Variants in LGR5 observed in about 807,000 individuals in gnomAD.
The protein encoded by LGR5 is leucine rich repeat containing G protein-coupled receptor 5, also known as leucine-rich repeat-containing G protein-coupled receptor 5.
LGR5 carries 54 observed loss-of-function variants against 76.7 expected under a neutral mutation model. The observed-to-expected ratio is 0.70, with a 90% CI of 0.57 to 0.88. LGR5 has a LOEUF of 0.88. Ranked by LOEUF, LGR5 falls within the 40% of genes least tolerant of loss-of-function variation. LGR5 has a pLI of 0.00. For synonymous variants in LGR5, 406 were observed against 421.9 expected (o/e 0.96, Z 0.46); for missense variants, 1,078 against 1,073.3 (o/e 1.00, Z -0.06).
intron 1 of LGR5, among the ~76,000 whole-genome samples, chr12:71,471,938 A>T (rs1873121127): frequency 6.6e-6 from 1 of 152,216 alleles, no homozygotes; most frequent in African/African-American, 2.4e-5. Flanking sequence ...CATACTTGTA[A>T]TAGTCTTTGT....
chr12:71,498,041 G>T lies in LGR5; in HGVS notation c.213-6573G>T, dbSNP rs149110684. 1.4e-3 allele frequency among the ~76,000 whole-genome samples: 217 copies of T among 152,204 alleles called. 1 individual carries two copies. Among genetic ancestry groups the T allele is most frequent in the African/African-American group, 5.1e-3 (210 of 41,546 alleles). Reference sequence around the variant, plus strand: ...AGAATAAGAAGAAAGAGAAAAGAAGGAGAAAAGAAGGGGGGAGCAGAAGGA... The same window carrying T: ...AGAATAAGAAGAAAGAGAAAAGAAGTAGAAAAGAAGGGGGGAGCAGAAGGA... On this transcript the variant is annotated intron_variant, in intron 1 of 17. Transcript: ENST00000266674.
intron 1 of LGR5, among the ~76,000 whole-genome samples, chr12:71,462,409 T>A (rs12312255): frequency 0.06 from 9,181 of 152,222 alleles, 962 homozygotes; most frequent in African/African-American, 0.21. Context: ...AATGCTAAGA[T>A]TTGACCTTTC....
chr12:71,496,143 A>T (rs1374729860), intron 1 of LGR5, among the ~76,000 whole-genome samples: 1 of 152,186 alleles, frequency 6.6e-6, no homozygotes, highest in East Asian at 1.9e-4. Context: ...AGGCCAAGGC[A>T]GGCAGATCAC....
chr12:71,555,419 C>A (rs1877708347), intron 5 of LGR5, among the ~76,000 whole-genome samples: 1 of 152,172 alleles, frequency 6.6e-6, no homozygotes, highest in Non-Finnish European at 1.5e-5. Context: ...GCTGTTCTCA[C>A]TGGCTCTGAC....
chr12:71,584,811 A>C lies in LGR5; in HGVS notation c.*77A>C. The C allele has an allele frequency of 1.4e-6, 2 of 1,443,758 alleles. No individual in the cohort carries two copies. Among genetic ancestry groups the C allele is most frequent in the Non-Finnish European group, 1.9e-6 (2 of 1,068,436 alleles). The allele number at this position is 1,443,758 out of a possible 1,614,324, so 89.4% of individuals were successfully genotyped here. ...ATTGAGTATATCAGAGCAGTAATTA[A>C]TAAGAAGAGCTGAGGTGAAACTCGG... On this transcript the variant is annotated 3_prime_UTR_variant, in exon 18 of 18. Coordinates refer to ENST00000266674, the MANE Select transcript of LGR5 (RefSeq NM_003667.4).
chr12:71,551,054 A>G (rs1423428791), intron 4 of LGR5, among the ~76,000 whole-genome samples: 1 of 152,222 alleles, frequency 6.6e-6, no homozygotes, highest in Non-Finnish European at 1.5e-5. Flanking sequence ...AAACCTTAAG[A>G]TGTTTGAAAG....
At chr12:71,507,707 T>C (rs1874924385) in intron 2 of LGR5, among the ~76,000 whole-genome samples, 1 of 152,136 alleles carries the variant, frequency 6.6e-6, no homozygotes, top group Admixed American at 6.5e-5. Flanking sequence ...CGACCACCCA[T>C]ACAGCTAGAA....
chr12:71,569,835 T>C (rs945042358), intron 11 of LGR5, among the ~76,000 whole-genome samples: 3 of 152,184 alleles, frequency 2.0e-5, no homozygotes, highest in Non-Finnish European at 4.4e-5. Flanking sequence ...TAGAAATCAT[T>C]GTATTATAAA....
intron 1 of LGR5, among the ~76,000 whole-genome samples, chr12:71,443,530 G>T (rs537680493): frequency 4.6e-5 from 7 of 152,182 alleles, no homozygotes; most frequent in Admixed American, 4.6e-4. Flanking sequence ...ACGCACCAAG[G>T]TTGAGATATA....
chr12:71,576,086 C>G (rs932078237), intron 13 of LGR5, among the ~76,000 whole-genome samples: 1 of 152,046 alleles, frequency 6.6e-6, no homozygotes, highest in Admixed American at 6.6e-5. Flanking sequence ...CAGGGCCTAT[C>G]AGGGTGGCAG....
chr12:71,451,218 G>A (rs559803309), intron 1 of LGR5, among the ~76,000 whole-genome samples: 2 of 152,310 alleles, frequency 1.3e-5, no homozygotes, highest in African/African-American at 4.8e-5. Context: ...CTTGATGTTT[G>A]CCTTATTTGA....
chr12:71,518,040 G>A (rs114946754), intron 2 of LGR5, among the ~76,000 whole-genome samples: 1,882 of 152,054 alleles, frequency 0.012, 32 homozygotes, highest in African/African-American at 0.042. Flanking sequence ...TCCCTCCTGC[G>A]CTTCCACTCT....
At chr12:71,505,126 A>G (rs1183529997) in intron 2 of LGR5, among the ~76,000 whole-genome samples, 1 of 152,178 alleles carries the variant, frequency 6.6e-6, no homozygotes, top group African/African-American at 2.4e-5. Context: ...CATAGCACCA[A>G]AACTTCTTGT....
At chr12:71,473,257 G>A (rs1306032691) in intron 1 of LGR5, among the ~76,000 whole-genome samples, 1 of 152,120 alleles carries the variant, frequency 6.6e-6, no homozygotes, top group Non-Finnish European at 1.5e-5. Flanking sequence ...TTGGTTGAGT[G>A]AATAAATAAG....
chr12:71,474,054 T>C (rs1873216443), intron 1 of LGR5, among the ~76,000 whole-genome samples: 1 of 152,188 alleles, frequency 6.6e-6, no homozygotes, highest in African/African-American at 2.4e-5. Context: ...CACATCCTAT[T>C]TGTTTTCTTT....
At chr12:71,472,067 T>G (rs1873127741) in intron 1 of LGR5, among the ~76,000 whole-genome samples, 1 of 152,108 alleles carries the variant, frequency 6.6e-6, no homozygotes, top group African/African-American at 2.4e-5. Context: ...GCTTGGGTAA[T>G]GGGTGCACCA....
rs572843669 is a variant in LGR5 at position 71,584,300 on chromosome 12, A to C, written c.2290A>C (p.Met764Leu). 4 of 1,614,176 alleles carry C rather than the reference A, an allele frequency of 2.5e-6. No homozygotes were observed. In the East Asian group the frequency reaches 8.9e-5, roughly 36 times the overall value. The change falls in exon 18 of 18, where the codon ATG becomes CTG. Residue 764 changes from methionine (M) to leucine (L), a missense_variant. Met to Leu is a conservative substitution (Grantham distance 15). Coordinates refer to ENST00000266674, the MANE Select transcript of LGR5 (RefSeq NM_003667.4). ...CCTGGAGAATATTTGGGACTGCTCT[A>C]TGGTAAAACACATTGCCCTGTTGCT... The part of the protein sequence containing the change: ...GDLENIWDCS[M>L]VKHIALLLFT...
chr12:71,452,193 C>A (rs2137211183), intron 1 of LGR5, among the ~76,000 whole-genome samples: 1 of 152,252 alleles, frequency 6.6e-6, no homozygotes, highest in South Asian at 2.1e-4. Flanking sequence ...GAATGGTGGG[C>A]CCTCTCCTCT....
chr12:71,561,870 T>C lies in LGR5; in HGVS notation c.857+18T>C, dbSNP rs1020726851. 1.4e-6 allele frequency: 2 copies of C among 1,478,678 alleles called. No homozygotes were observed. Among genetic ancestry groups the C allele is most frequent in the African/African-American group, 1.4e-5 (1 of 71,438 alleles). 91.6% of individuals were successfully genotyped at this position (1,478,678 alleles called of 1,614,324 possible). ...ATTACAATGTAAGTGACCATAATGC[T>C]TTTCGGTTTCTCCATCCTGAAATAT... On this transcript the variant is annotated intron_variant, in intron 8 of 17. Coordinates refer to ENST00000266674, the MANE Select transcript of LGR5 (RefSeq NM_003667.4).
Sources: allele counts gnomAD v4.1 joint callset (sites outside exome capture counted in the v4.1 genomes callset), GRCh38; gene constraint gnomAD v4.1.1; transcripts MANE v1.5; gene names NCBI Gene and HGNC (gene_info 2026-07-23, HGNC 2026-07-21).